The following BFSP1 variants were observed in gnomAD, a reference collection of about 807,000 sequenced individuals.
BFSP1 encodes the protein beaded filament structural protein 1.
BFSP1 carries 38 observed loss-of-function variants against 43.9 expected under a neutral mutation model. The observed-to-expected ratio is 0.87, with a 90% CI of 0.67 to 1.14. The LOEUF is 1.14. Among genes scored for constraint, BFSP1 ranks in the 50% most tolerant of loss-of-function variants. The pLI is 0.00. For missense variants in BFSP1, 850 were observed against 875.1 expected, an observed-to-expected ratio of 0.97 and a Z score of 0.36; for synonymous variants, 352 against 354.8, an observed-to-expected ratio of 0.99 and a Z score of 0.09.
Position 17,550,910 on chromosome 20 carries a change from T to C in BFSP1, c.2+7778A>G, listed in dbSNP as rs558481824. Among the ~76,000 whole-genome samples, 6 of 152,380 alleles carry C rather than the reference T, an allele frequency of 3.9e-5. No homozygotes were observed. In the South Asian group the frequency reaches 8.3e-4, roughly 21 times the overall value. On this transcript the variant is annotated intron_variant, in intron 1 of 7. Transcript: ENST00000377868. ...AACATCATATAACCACAGGTCATGA[T>C]AGACAAGAAATGTGCCTTGCCAGTT...
chr20:17,553,836 T>TAC (rs2034941367), intron 1 of BFSP1, among the ~76,000 whole-genome samples: 17 of 74,110 alleles, frequency 2.3e-4, no homozygotes, highest in East Asian at 9.2e-4. Flanking sequence ...TATATATATA[T>TAC]ACACATATAT....
chr20:17,561,706 C>T (rs1436928242), upstream of BFSP1, among the ~76,000 whole-genome samples: 1 of 152,052 alleles, frequency 6.6e-6, no homozygotes, highest in East Asian at 1.9e-4. Context: ...CCACTCTGAC[C>T]TTGATGTGTG....
intron 1 of BFSP1, among the ~76,000 whole-genome samples, chr20:17,527,265 T>C (rs1204413710): frequency 1.3e-5 from 2 of 152,262 alleles, no homozygotes; most frequent in East Asian, 3.8e-4. Context: ...TTTAAATGTA[T>C]AATTAGCTTT....
Position 17,539,105 on chromosome 20 carries a change from C to CTTCTTTTTTTTTT in BFSP1, c.3-14198_3-14197insAAAAAAAAAAGAA, listed in dbSNP as rs34002192. The stretch of plus-strand genomic sequence containing the variant: ...TGCATCCATGAATATATTTCTTCTT[C>CTTCTTTTTTTTTT]TTTTTTTTTTTTTTTTTTTTTTTTT... On this transcript the variant is annotated intron_variant, in intron 1 of 7. Transcript: ENST00000377868. Among the ~76,000 whole-genome samples the CTTCTTTTTTTTTT allele has an allele frequency of 1.6e-4, 10 of 63,554 alleles. 1 individual carries two copies. The highest frequency in any genetic ancestry group is 1.4e-4 in the Non-Finnish European group (5 of 35,074). The allele number at this position is 63,554 out of a possible 152,430, so 41.7% of individuals were successfully genotyped here.
intron 1 of BFSP1, among the ~76,000 whole-genome samples, chr20:17,540,847 T>G (rs2034704043): frequency 6.6e-6 from 1 of 152,200 alleles, no homozygotes; most frequent in Non-Finnish European, 1.5e-5. Context: ...CTCCTGCTCC[T>G]TTAAAGCCTA....
intron 1 of BFSP1, among the ~76,000 whole-genome samples, chr20:17,565,209 G>A (rs1251692410): frequency 6.6e-6 from 1 of 152,148 alleles, no homozygotes; most frequent in Admixed American, 6.5e-5. Flanking sequence ...AACTGTCAGT[G>A]GAGAGTAAGT....
chr20:17,565,487 A>C (rs1414614591), intron 1 of BFSP1: 1 of 152,256 alleles, frequency 6.6e-6, no homozygotes, highest in African/African-American at 2.4e-5. Flanking sequence ...ATGAATGAAC[A>C]GTCACACCTT....
chr20:17,562,194 A>G (rs2035072603), upstream of BFSP1, among the ~76,000 whole-genome samples: 1 of 151,028 alleles, frequency 6.6e-6, no homozygotes, highest in Non-Finnish European at 1.5e-5. Context: ...TGCTGGGATT[A>G]GAGGCATGAG....
chr20:17,495,132 A>G (rs896416092), intron 7 of BFSP1, 103 bp from the exon 8 acceptor site: 8 of 1,131,144 alleles, frequency 7.1e-6, no homozygotes, highest in South Asian at 6.1e-5. Context: ...ACAAACGCCT[A>G]TAGTACTAGG....
chr20:17,544,181 G>T (rs995329227), intron 1 of BFSP1, among the ~76,000 whole-genome samples: 2 of 152,162 alleles, frequency 1.3e-5, no homozygotes, highest in African/African-American at 4.8e-5. Context: ...TCACCATGGG[G>T]GCAACTGGAT....
intron 3 of BFSP1, among the ~76,000 whole-genome samples, chr20:17,513,684 G>C (rs1156385101): frequency 6.6e-6 from 1 of 152,224 alleles, no homozygotes; most frequent in African/African-American, 2.4e-5. Context: ...GTCGTAGTTT[G>C]GGTTTCCCCA....
At chr20:17,539,587 T>C (rs1215558469) in intron 1 of BFSP1, among the ~76,000 whole-genome samples, 1 of 151,534 alleles carries the variant, frequency 6.6e-6, no homozygotes, top group Non-Finnish European at 1.5e-5. Context: ...TCGCTATATA[T>C]AAAAAATAAT....
intron 5 of BFSP1, among the ~76,000 whole-genome samples, chr20:17,500,651 T>A (rs144148720): frequency 1.0e-3 from 155 of 152,324 alleles, no homozygotes; most frequent in African/African-American, 3.4e-3. Flanking sequence ...GTAGTCCCAC[T>A]TTTAACGAGA....
chr20:17,522,594 C>T (rs2034340619), intron 2 of BFSP1, among the ~76,000 whole-genome samples: 1 of 152,210 alleles, frequency 6.6e-6, no homozygotes. Flanking sequence ...TTAAATATCA[C>T]TCCTCCATGC....
Position 17,531,011 on chromosome 20 carries a change from C to T in BFSP1, c.319G>A (p.Ala107Thr). The change falls in exon 1 of 8, where the codon GCC (alanine) becomes ACC (threonine). Residue 107 changes from alanine (A) to threonine (T), a missense_variant. By Grantham distance (58) the Ala-to-Thr change is moderately conservative (BLOSUM62 0). Coordinates refer to ENST00000377873, the MANE Select transcript of BFSP1 (RefSeq NM_001195.5). ...TCGGTGCCCTGGCGCTCCAGCCGGG[C>T]GCGCTCGGCCTCCAGGTCCCGGACG... The part of the protein sequence containing the change: ...QRVRDLEAER[A>T]RLERQGTEAQ... 7.0e-7 allele frequency: 1 copy of T among 1,434,374 alleles called. No homozygotes were observed. The highest frequency in any genetic ancestry group is 9.1e-7 in the Non-Finnish European group (1 of 1,098,746). The allele number at this position is 1,434,374 out of a possible 1,614,324, so 88.9% of individuals were successfully genotyped here.
intron 1 of BFSP1, among the ~76,000 whole-genome samples, chr20:17,551,232 G>C (rs1051761173): frequency 2.6e-5 from 4 of 152,158 alleles, no homozygotes; most frequent in Non-Finnish European, 4.4e-5. Flanking sequence ...GCATCTGCTC[G>C]GCTTCTGAGG....
At chr20:17,519,346 G>A (rs550784842) in intron 2 of BFSP1, among the ~76,000 whole-genome samples, 1 of 152,256 alleles carries the variant, frequency 6.6e-6, no homozygotes, top group South Asian at 2.1e-4. Context: ...AAAGCCAAGG[G>A]GCCACAGGCA....
intron 2 of BFSP1, among the ~76,000 whole-genome samples, chr20:17,524,042 A>G (rs1215829897): frequency 6.6e-6 from 1 of 152,174 alleles, no homozygotes; most frequent in Non-Finnish European, 1.5e-5. Context: ...GGGGCGGGGA[A>G]GGGCAGCCCA....
chr20:17,538,883 A>T (rs539654231), intron 1 of BFSP1, among the ~76,000 whole-genome samples: 3 of 152,156 alleles, frequency 2.0e-5, no homozygotes, highest in African/African-American at 7.2e-5. Flanking sequence ...CATTAAACAA[A>T]CCTACCACCA....
Sources: gnomAD v4.1 joint callset for allele counts (sites outside exome capture counted in the v4.1 genomes callset) on GRCh38, gnomAD v4.1.1 for gene constraint, MANE v1.5 for transcripts, NCBI Gene and HGNC (gene_info 2026-07-23, HGNC 2026-07-21) for gene names.